CEP63: variants seen among roughly 807,000 people sequenced by gnomAD.
CEP63 encodes the protein centrosomal protein 63, also known as centrosomal protein of 63 kDa.
CEP63 carries 84 observed loss-of-function variants against 89.1 expected under a neutral mutation model. That is an observed-to-expected ratio of 0.94 (90% confidence interval 0.79 to 1.13). The LOEUF is 1.13. Ranked by LOEUF, CEP63 falls within the 50% of genes most tolerant of loss-of-function variation. The pLI, the probability that CEP63 is intolerant of heterozygous loss-of-function variation, is 0.00. For synonymous variants in CEP63, 267 were observed against 272.5 expected (o/e 0.98, Z 0.20); for missense variants, 838 against 813.3 (o/e 1.03, Z -0.37).
At chr3:134,566,756 TA>T (rs796595403), downstream of CEP63, among the ~76,000 whole-genome samples, 1,827 of 147,784 alleles carry the variant, frequency 0.012, 33 homozygotes, top group South Asian at 0.075. Context: ...TCCACTATAA[TA>T]AAAAAAAAAT....
chr3:134,695,108 C>T, the CEP63 span, among the ~76,000 whole-genome samples: 3 of 152,148 alleles, frequency 2.0e-5, no homozygotes, highest in African/African-American at 7.2e-5. Context: ...GTCAGCCGGC[C>T]GGGACCTGCC....
the CEP63 span, among the ~76,000 whole-genome samples, chr3:134,739,711 T>G: frequency 1.3e-5 from 2 of 151,942 alleles, no homozygotes; most frequent in Admixed American, 1.3e-4. Flanking sequence ...TTGTTTTTTT[T>G]TTTTGCTAAG....
At chr3:134,610,537 A>G in the CEP63 span, 3 of 652,410 alleles carry the variant, frequency 4.6e-6, no homozygotes, top group Admixed American at 6.0e-5. Context: ...AACAGCCTTG[A>G]TGGCTTTTAT....
chr3:134,709,232 T>C, the CEP63 span, among the ~76,000 whole-genome samples: 1 of 152,092 alleles, frequency 6.6e-6, no homozygotes, highest in African/African-American at 2.4e-5. Flanking sequence ...TGGCTTCAGT[T>C]CTCATAGGCT....
the CEP63 span, among the ~76,000 whole-genome samples, chr3:134,702,053 A>C: frequency 6.6e-6 from 1 of 152,202 alleles, no homozygotes; most frequent in Non-Finnish European, 1.5e-5. Flanking sequence ...AATTGCTAGC[A>C]TTCCTAGACA....
the CEP63 span, among the ~76,000 whole-genome samples, chr3:134,657,608 T>C: frequency 9.9e-5 from 15 of 152,226 alleles, no homozygotes; most frequent in African/African-American, 3.6e-4. Flanking sequence ...TTTTGCATTG[T>C]CTACTTTTAT....
downstream of CEP63, among the ~76,000 whole-genome samples, chr3:134,577,044 G>A (rs1242874201): frequency 2.0e-5 from 3 of 152,180 alleles, no homozygotes; most frequent in Non-Finnish European, 4.4e-5. Flanking sequence ...AAGATGTCCT[G>A]GGACCATGAT....
the CEP63 span, among the ~76,000 whole-genome samples, chr3:134,606,350 C>T: frequency 6.6e-6 from 1 of 152,200 alleles, no homozygotes; most frequent in Admixed American, 6.5e-5. Context: ...CCTGTCTCTT[C>T]CTGCCTCGCC....
At chr3:134,620,818 G>A in the CEP63 span, 2 of 1,613,422 alleles carry the variant, frequency 1.2e-6, no homozygotes, top group Middle Eastern at 1.6e-4. Flanking sequence ...TCCTGGAGCA[G>A]GTCACTCACC....
the CEP63 span, among the ~76,000 whole-genome samples, chr3:134,674,967 C>T: frequency 1.3e-5 from 2 of 152,148 alleles, no homozygotes; most frequent in Admixed American, 6.5e-5. Context: ...ATTAAGATCC[C>T]CAAACTGATC....
At chr3:134,632,467 A>G in the CEP63 span, among the ~76,000 whole-genome samples, 6 of 152,070 alleles carry the variant, frequency 3.9e-5, no homozygotes, top group Admixed American at 6.5e-5. Context: ...CAACTGGAAA[A>G]TGTCCAAGTA....
the CEP63 span, among the ~76,000 whole-genome samples, chr3:134,637,284 CT>C: frequency 6.6e-6 from 1 of 152,220 alleles, no homozygotes; most frequent in Non-Finnish European, 1.5e-5. Context: ...CAAATACTTT[CT>C]GTGTGTCTTC....
At chr3:134,597,534 C>T in the CEP63 span, among the ~76,000 whole-genome samples, 42 of 152,288 alleles carry the variant, frequency 2.8e-4, 1 homozygote, top group East Asian at 7.7e-3. Flanking sequence ...GAGTGCAGGT[C>T]GCGGAGAGAC....
the CEP63 span, among the ~76,000 whole-genome samples, chr3:134,602,076 G>A: frequency 6.6e-6 from 1 of 152,164 alleles, no homozygotes; most frequent in Non-Finnish European, 1.5e-5. Context: ...GGTTGAGCCT[G>A]GAGGCCTGTG....
chr3:134,538,539 A>ATATATATATATATATATATATATG (rs1951299840), intron 6 of CEP63, among the ~76,000 whole-genome samples: 2 of 138,364 alleles, frequency 1.4e-5, no homozygotes, highest in Non-Finnish European at 3.2e-5. Flanking sequence ...GTGTGTATAT[A>ATATATATATATATATATATATATG]TATATATATA....
chr3:134,701,677 T>C, the CEP63 span, among the ~76,000 whole-genome samples: 1 of 151,942 alleles, frequency 6.6e-6, no homozygotes, highest in Non-Finnish European at 1.5e-5. Context: ...AAGACAAGGA[T>C]GCCCTTTCTC....
the CEP63 span, among the ~76,000 whole-genome samples, chr3:134,621,379 A>G: frequency 6.6e-6 from 1 of 152,218 alleles, no homozygotes; most frequent in Non-Finnish European, 1.5e-5. Context: ...ATATAGACAA[A>G]TGGAATACAA....
At chr3:134,701,394 GTATATATACATATACACACATA>G in the CEP63 span, among the ~76,000 whole-genome samples, 2 of 75,442 alleles carry the variant, frequency 2.7e-5, no homozygotes, top group Non-Finnish European at 5.9e-5. Context: ...GTATATATGT[GTATATATACATATACACACATA>G]TATATACGTA....
chr3:134,729,540 T>C, the CEP63 span, among the ~76,000 whole-genome samples: 1 of 152,224 alleles, frequency 6.6e-6, no homozygotes, highest in Non-Finnish European at 1.5e-5. Flanking sequence ...GACACAGTTT[T>C]TGTCCTTTAA....
Sources: allele counts gnomAD v4.1 joint callset (sites outside exome capture counted in the v4.1 genomes callset), GRCh38; gene constraint gnomAD v4.1.1; transcripts MANE v1.5; gene names NCBI Gene and HGNC (gene_info 2026-07-23, HGNC 2026-07-21).